GALNT14: variants seen among roughly 807,000 people sequenced by gnomAD.
GALNT14 encodes the protein UDP-GalNAc:polypeptide N-acetylgalactosaminyltransferase 14.
In GALNT14, 60 loss-of-function variants were observed where a neutral mutation model predicts 77.5. The observed-to-expected ratio is 0.77, with a 90% CI of 0.63 to 0.96. The LOEUF (loss-of-function observed/expected upper bound fraction) is 0.96, where lower values mean the gene tolerates loss of function less well. Among genes scored for constraint, GALNT14 ranks in the 40% least tolerant of loss-of-function variants. The pLI is 0.00. For synonymous variants in GALNT14, 280 were observed against 281.7 expected (o/e 0.99, Z 0.06); for missense variants, 710 against 731.0 (o/e 0.97, Z 0.33).
intron 9 of GALNT14, among the ~76,000 whole-genome samples, chr2:30,938,713 A>C (rs916257797): frequency 2.6e-5 from 4 of 152,216 alleles, no homozygotes; most frequent in Admixed American, 6.5e-5. Flanking sequence ...CCAATCCATC[A>C]GTGGCTGCTT....
chr2:30,904,049 A>C, the GALNT14 span, among the ~76,000 whole-genome samples: 33 of 152,314 alleles, frequency 2.2e-4, no homozygotes, highest in Non-Finnish European at 4.0e-4. Flanking sequence ...TAATGTTTTT[A>C]AGCAAGGAGT....
chr2:30,924,445 T>C, intron 12 of GALNT14, 182 bp from the exon 13 acceptor site: 2 of 667,038 alleles, frequency 3.0e-6, no homozygotes, highest in Non-Finnish European at 2.6e-6. Flanking sequence ...ACCCAGGAGC[T>C]ACAGAGGGAG....
chr2:30,940,612 TGAGA>T (rs1666320162), intron 9 of GALNT14, among the ~76,000 whole-genome samples: 1 of 152,186 alleles, frequency 6.6e-6, no homozygotes, highest in Non-Finnish European at 1.5e-5. Flanking sequence ...ATCTGATGGC[TGAGA>T]GAAAGGCTGG....
chr2:30,950,781 C>T (rs936006568), intron 6 of GALNT14, among the ~76,000 whole-genome samples: 3 of 152,320 alleles, frequency 2.0e-5, no homozygotes, highest in East Asian at 1.9e-4. Flanking sequence ...AGAGAAGGAG[C>T]GTCGGCAGCA....
At chr2:30,965,469 G>C (rs551548737) in intron 3 of GALNT14, among the ~76,000 whole-genome samples, 76 of 152,120 alleles carry the variant, frequency 5.0e-4, no homozygotes, top group African/African-American at 1.7e-3. Context: ...ATGGGGGAAG[G>C]GGGGTGAAAC....
intron 1 of GALNT14, among the ~76,000 whole-genome samples, chr2:30,998,500 C>A (rs1266651241): frequency 6.6e-6 from 1 of 152,172 alleles, no homozygotes; most frequent in Non-Finnish European, 1.5e-5. Flanking sequence ...ATGAGAAACT[C>A]TTTATCCCTT....
At chr2:31,131,671 A>T (rs1472848926) in intron 1 of GALNT14, among the ~76,000 whole-genome samples, 3 of 152,210 alleles carry the variant, frequency 2.0e-5, no homozygotes, top group Non-Finnish European at 2.9e-5. Flanking sequence ...GGCATGGTGT[A>T]GGATGTAGGC....
chr2:31,093,061 T>C (rs948424075), intron 1 of GALNT14, among the ~76,000 whole-genome samples: 13 of 152,112 alleles, frequency 8.5e-5, no homozygotes, highest in African/African-American at 1.7e-4. Context: ...TCAGGGTCCT[T>C]TACCTAAGAA....
chr2:31,025,463 G>T (rs1476572244), intron 1 of GALNT14, among the ~76,000 whole-genome samples: 1 of 152,162 alleles, frequency 6.6e-6, no homozygotes, highest in African/African-American at 2.4e-5. Context: ...ACAAGCTAAG[G>T]AGGCCACTGG....
chr2:30,887,670 T>C, the GALNT14 span, among the ~76,000 whole-genome samples: 36 of 152,342 alleles, frequency 2.4e-4, no homozygotes, highest in African/African-American at 8.4e-4. Context: ...TATTTTCACT[T>C]TCTTGATAAT....
intron 1 of GALNT14, among the ~76,000 whole-genome samples, chr2:31,060,014 TCA>T (rs1391595613): frequency 6.6e-6 from 1 of 152,240 alleles, no homozygotes; most frequent in Non-Finnish European, 1.5e-5. Context: ...TTACACCATC[TCA>T]ATCCCTTTCC....
At chr2:30,941,464 G>T (rs1379749213) in intron 9 of GALNT14, among the ~76,000 whole-genome samples, 3 of 152,338 alleles carry the variant, frequency 2.0e-5, no homozygotes, top group Non-Finnish European at 1.5e-5. Flanking sequence ...GCCCCAAGAA[G>T]TAGAGCTAGT....
At chr2:31,015,455 G>C (rs889651948) in intron 1 of GALNT14, among the ~76,000 whole-genome samples, 1 of 152,060 alleles carries the variant, frequency 6.6e-6, no homozygotes, top group African/African-American at 2.4e-5. Context: ...CGGAAAATCT[G>C]CCTCCATCTA....
intron 1 of GALNT14, among the ~76,000 whole-genome samples, chr2:31,051,962 C>T (rs932596109): frequency 6.6e-6 from 1 of 152,190 alleles, no homozygotes; most frequent in Non-Finnish European, 1.5e-5. Flanking sequence ...ACATGTTGCT[C>T]AACTTCCTGC....
intron 1 of GALNT14, among the ~76,000 whole-genome samples, chr2:31,118,912 T>C (rs1678248398): frequency 6.6e-6 from 1 of 152,158 alleles, no homozygotes; most frequent in Admixed American, 6.5e-5. Flanking sequence ...TTCCCAGAAC[T>C]AGAACCCAAT....
chr2:30,963,861 C>T (rs981822601), intron 3 of GALNT14, among the ~76,000 whole-genome samples: 6 of 152,202 alleles, frequency 3.9e-5, no homozygotes, highest in South Asian at 2.1e-4. Flanking sequence ...GTCCTTTAGC[C>T]GAATTAACCC....
Position 30,992,968 on chromosome 2 carries a change from C to A in GALNT14, c.169G>T (p.Asp57Tyr). 1 of 1,614,200 alleles carries A rather than the reference C, an allele frequency of 6.2e-7. No individual in the cohort carries two copies. ...TTGGCATTCAGATACCGCCGCTCAT[C>A]AAACTGGTCCCACAGGTCGTCCCAG... ...ADWDDLWDQF[D>Y]ERRYLNAKKW... Residue 57 changes from aspartate (D) to tyrosine (Y), a missense_variant, in exon 2 of 15, where the codon GAT becomes TAT. Physicochemically the swap from Asp to Tyr is radical, Grantham distance 160 (BLOSUM62 -3). Transcript: ENST00000349752.
At chr2:30,940,865 G>C (rs1004240218) in intron 9 of GALNT14, among the ~76,000 whole-genome samples, 5 of 152,122 alleles carry the variant, frequency 3.3e-5, no homozygotes, top group African/African-American at 7.2e-5. Context: ...TGGGTGTTGG[G>C]GTGTTTTTCT....
In GALNT14 at chr2:30,945,849, G is replaced by C; in HGVS notation, c.676C>G (p.Pro226Ala). 2.5e-6 allele frequency: 4 copies of C among 1,614,082 alleles called. No individual in the cohort carries two copies. Among genetic ancestry groups the C allele is most frequent in the Non-Finnish European group, 3.4e-6 (4 of 1,180,000 alleles). Residue 226 changes from proline (P) to alanine (A), a missense_variant, in exon 7 of 15, where the codon CCT becomes GCT. By Grantham distance (27) the Pro-to-Ala change is conservative. Coordinates refer to ENST00000349752, the MANE Select transcript of GALNT14 (RefSeq NM_024572.4). ...VKEDYTRVVCPVIDIINLDTF... is the reference protein window; with the variant it reads ...VKEDYTRVVCAVIDIINLDTF... Reference sequence around the variant, plus strand: ...TCCAGGTTAATGATATCGATCACAGGGCACACCACCCGCGTGTAGTCCTGT... The same window carrying C: ...TCCAGGTTAATGATATCGATCACAGCGCACACCACCCGCGTGTAGTCCTGT...
Sources: allele counts gnomAD v4.1 joint callset (sites outside exome capture counted in the v4.1 genomes callset), GRCh38; gene constraint gnomAD v4.1.1; transcripts MANE v1.5; gene names NCBI Gene and HGNC (gene_info 2026-07-23, HGNC 2026-07-21).